DDB1: variants seen among roughly 807,000 people sequenced by gnomAD.
The protein encoded by DDB1 is DNA damage-binding protein 1.
In DDB1, 18 loss-of-function variants were observed where a neutral mutation model predicts 133.1. That is an observed-to-expected ratio of 0.14 (90% CI 0.09 to 0.20). The LOEUF (loss-of-function observed/expected upper bound fraction) is 0.20, where lower values mean the gene tolerates loss of function less well. Ranked by LOEUF, DDB1 falls within the 10% of genes least tolerant of loss-of-function variation. The probability of loss-of-function intolerance (pLI) is 1.00; values close to 1 mark genes in which losing one functional copy is unlikely to be tolerated. For missense variants in DDB1, 828 were observed against 1,459.2 expected, an observed-to-expected ratio of 0.57 and a Z score of 7.05; for synonymous variants, 580 against 550.5, an observed-to-expected ratio of 1.05 and a Z score of -0.75.
chr11:61,300,315 C>T, intron 26 of DDB1, 96 bp from the exon 27 acceptor site: 1 of 1,264,906 alleles, frequency 7.9e-7, no homozygotes, highest in South Asian at 1.3e-5. Context: ...CACAAGACTC[C>T]ACCATTGTCA....
At chr11:61,300,708 A>G (rs1305542903) in intron 26 of DDB1, 101 bp downstream of exon 26, 54 of 1,532,638 alleles carry the variant, frequency 3.5e-5, no homozygotes, top group Non-Finnish European at 4.6e-5. Flanking sequence ...GTCCCCTCGC[A>G]TCTTGGAACT....
At chr11:61,317,315 A>G (rs55718627) in intron 10 of DDB1, among the ~76,000 whole-genome samples, 39,357 of 150,960 alleles carry the variant, frequency 0.26, 8,731 homozygotes, top group African/African-American at 0.61. Flanking sequence ...GGGTTTCACC[A>G]TGTTAGCCAG....
chr11:61,311,554 T>A (rs186505498), intron 18 of DDB1, among the ~76,000 whole-genome samples: 16 of 152,280 alleles, frequency 1.1e-4, no homozygotes, highest in Admixed American at 5.2e-4. Context: ...TGGTGACAGA[T>A]GCTGCAAGGC....
At chr11:61,306,205 A>G (rs1047065642) in intron 21 of DDB1, among the ~76,000 whole-genome samples, 20 of 152,216 alleles carry the variant, frequency 1.3e-4, no homozygotes, top group Non-Finnish European at 2.4e-4. Flanking sequence ...AACCATGGAC[A>G]GCCACTTCTC....
At chr11:61,328,854 A>C (rs1856316002) in intron 4 of DDB1, among the ~76,000 whole-genome samples, 1 of 152,136 alleles carries the variant, frequency 6.6e-6, no homozygotes, top group Admixed American at 6.5e-5. Context: ...TGGGCAACAG[A>C]GTGAGACTCT....
chr11:61,314,332 T>C lies in DDB1; in HGVS notation c.1565A>G (p.His522Arg), dbSNP rs185730554. 7.4e-6 allele frequency: 12 copies of C among 1,613,134 alleles called. No individual in the cohort carries two copies. In the Admixed American group the frequency reaches 1.5e-4, roughly 20 times the overall value. ...VGRALYYLQI[H>R]PQELRQISHT... ...CCTGATCTGCCGGAGCTCCTGAGGATGGATCTGCAGATAGTAGAGGGCCCT... is the reference window on the plus strand; with the variant it reads ...CCTGATCTGCCGGAGCTCCTGAGGACGGATCTGCAGATAGTAGAGGGCCCT... Residue 522 changes from histidine to arginine, a missense_variant, in exon 13 of 27, where the codon CAT becomes CGT. Physicochemically the swap from His to Arg is conservative, Grantham distance 29. Coordinates refer to ENST00000301764, the MANE Select transcript of DDB1 (RefSeq NM_001923.5).
In DDB1 at chr11:61,310,382, A is replaced by C; in HGVS notation, c.2314T>G (p.Ser772Ala). 1 of 1,613,188 alleles carries C rather than the reference A, an allele frequency of 6.2e-7. No individual in the cohort carries two copies. Among genetic ancestry groups the C allele is most frequent in the Non-Finnish European group, 8.5e-7 (1 of 1,179,682 alleles). Residue 772 changes from serine to alanine, a missense_variant, in exon 19 of 27, where the codon TCC (serine) becomes GCC (alanine). Coordinates refer to ENST00000301764, the MANE Select transcript of DDB1 (RefSeq NM_001923.5). ...GTCTCATGAGGAGCAGTGCTGCTGG[A>C]GAACAGCTTGCTGGAGCTTACACTG... ...SSSVSSSKLFSSSTAPHETSF... is the reference protein window; with the variant it reads ...SSSVSSSKLFASSTAPHETSF...
chr11:61,299,940 GAA>G lies in DDB1; in HGVS notation c.*194_*195del, dbSNP rs1855764685. 5.0e-6 allele frequency: 3 copies of G among 597,900 alleles called. No individual in the cohort carries two copies. Among genetic ancestry groups the G allele is most frequent in the Non-Finnish European group, 8.9e-6 (3 of 335,336 alleles). 37.0% of individuals were successfully genotyped at this position (597,900 alleles called of 1,614,324 possible). A position where few individuals can be genotyped will look rare whatever the true frequency, so the allele number is the denominator to read the frequency against. On this transcript the variant is annotated 3_prime_UTR_variant, in exon 27 of 27. Coordinates refer to ENST00000301764, the MANE Select transcript of DDB1 (RefSeq NM_001923.5). ...TGTGAGACTGGTAAAAATCCAGGGA[GAA>G]AATGTTTCACCTTCAGCTCATTCCC...
chr11:61,314,060 C>T lies in DDB1; in HGVS notation c.1740G>A (p.Glu580=). The T allele has an allele frequency of 6.2e-7, 1 of 1,614,046 alleles. No individual in the cohort carries two copies. The highest frequency in any genetic ancestry group is 8.5e-7 in the Non-Finnish European group (1 of 1,179,962). The change falls in exon 14 of 27, where the codon GAG becomes GAA. Residue 580 remains glutamate, a synonymous_variant. Transcript: ENST00000301764. The part of the protein sequence containing the change: ...KLPSFELLHK[E]MLGGEIIPRS... ...AATGACACATACCTCCACCCAGCAT[C>T]TCCTTGTGCAGTAGTTCAAAAGAGG...
chr11:61,310,216 G>A (rs1043095791), intron 19 of DDB1, 79 bp downstream of exon 19: 5 of 1,545,028 alleles, frequency 3.2e-6, no homozygotes, highest in Non-Finnish European at 4.4e-6. Context: ...CATCTGTCAG[G>A]CTTTGCAGGT....
At chr11:61,308,389 C>T (rs962796846) in intron 21 of DDB1, among the ~76,000 whole-genome samples, 3 of 152,198 alleles carry the variant, frequency 2.0e-5, no homozygotes, top group Non-Finnish European at 4.4e-5. Flanking sequence ...CCCCACTTCC[C>T]ACATTCATCC....
At chr11:61,331,826 A>C in intron 1 of DDB1, 135 bp from the exon 2 acceptor site, 3 of 1,241,728 alleles carry the variant, frequency 2.4e-6, no homozygotes, top group South Asian at 1.5e-5. Flanking sequence ...CCCTCCAGCT[A>C]CTCCCCTTCT....
At chr11:61,315,579 A>G (rs1424599836) in intron 12 of DDB1, 2 of 152,148 alleles carry the variant, frequency 1.3e-5, no homozygotes, top group East Asian at 3.8e-4. Flanking sequence ...ATCCTTAGGC[A>G]CTCCAGTGCC....
At chr11:61,326,025 T>G (rs192710873) in intron 5 of DDB1, 1 of 399,896 alleles carries the variant, frequency 2.5e-6, no homozygotes, top group East Asian at 5.4e-5. Context: ...CCTTTCCAAG[T>G]AAAAGCTTTT....
chr11:61,324,667 T>C (rs1459192833), intron 6 of DDB1, among the ~76,000 whole-genome samples: 1 of 152,180 alleles, frequency 6.6e-6, no homozygotes, highest in Non-Finnish European at 1.5e-5. Flanking sequence ...CTACAGGAAC[T>C]TGCCACTGTA....
rs570986511 is a variant in DDB1, at chr11:61,314,670, G to A, written c.1411-184C>T. 2.0e-4 allele frequency: 118 copies of A among 602,628 alleles called. No individual in the cohort carries two copies. The African/African-American group carries it at 2.0e-3, about 10-fold the overall frequency. 37.3% of individuals were successfully genotyped at this position (602,628 alleles called of 1,614,324 possible). On this transcript the variant is annotated intron_variant, in intron 12 of 26. Coordinates refer to ENST00000301764, the MANE Select transcript of DDB1 (RefSeq NM_001923.5). ...GTCATTTTTGCATGAATGCCTGAAGGAGGCCAGCTTAAAAGTAGCTTACAG... is the reference window on the plus strand; with the variant it reads ...GTCATTTTTGCATGAATGCCTGAAGAAGGCCAGCTTAAAAGTAGCTTACAG...
intron 10 of DDB1, among the ~76,000 whole-genome samples, chr11:61,318,635 A>G (rs1395537562): frequency 6.6e-6 from 1 of 152,136 alleles, no homozygotes; most frequent in Non-Finnish European, 1.5e-5. Flanking sequence ...GAACTACAGA[A>G]TATTTTTATC....
At chr11:61,328,638 C>T (rs781535949) in intron 4 of DDB1, among the ~76,000 whole-genome samples, 4 of 152,080 alleles carry the variant, frequency 2.6e-5, no homozygotes, top group African/African-American at 7.2e-5. Context: ...TTTGGGAGGC[C>T]GAGGCAGGCG....
chr11:61,316,429 C>T (rs1159800893), intron 11 of DDB1, 36 bp from the exon 12 acceptor site: 1 of 1,613,582 alleles, frequency 6.2e-7, no homozygotes. Flanking sequence ...CAGCCTGGGA[C>T]CAGCTTCCCC....
Sources: gnomAD v4.1 joint callset for allele counts (sites outside exome capture counted in the v4.1 genomes callset) on GRCh38, gnomAD v4.1.1 for gene constraint, MANE v1.5 for transcripts, NCBI Gene and HGNC (gene_info 2026-07-23, HGNC 2026-07-21) for gene names.